Variants in GABRG2 observed in about 807,000 individuals in gnomAD.
GABRG2 encodes the protein gamma-aminobutyric acid type A receptor subunit gamma2.
A neutral mutation model predicts 56.4 loss-of-function variants in GABRG2; 16 were observed. The observed-to-expected ratio is 0.28, with a 90% CI of 0.19 to 0.43. GABRG2 has a LOEUF of 0.43. GABRG2 is among the 20% of genes least tolerant of loss of function. GABRG2 has a pLI of 1.00. For synonymous variants in GABRG2, 208 were observed against 205.5 expected (o/e 1.01, Z -0.10); for missense variants, 327 against 582.7 (o/e 0.56, Z 4.52).
At chr5:162,099,018 T>C (rs1278188103) in intron 4 of GABRG2, 2 of 152,020 alleles carry the variant, frequency 1.3e-5, no homozygotes, top group Non-Finnish European at 2.9e-5. Context: ...ATAGAAAATA[T>C]TAAAATTATT....
At chr5:162,094,226 G>A (rs1304328146) in intron 2 of GABRG2, 6 of 472,626 alleles carry the variant, frequency 1.3e-5, no homozygotes, top group African/African-American at 3.9e-5. Context: ...CATATTGCTA[G>A]ATATCTCAGA....
At chr5:162,143,657 A>G (rs986174258) in intron 7 of GABRG2, among the ~76,000 whole-genome samples, 16 of 152,222 alleles carry the variant, frequency 1.1e-4, no homozygotes, top group African/African-American at 3.9e-4. Context: ...AGTCCCACAA[A>G]TATGGGTTTG....
At chr5:162,084,991 A>G (rs1056276271) in intron 1 of GABRG2, among the ~76,000 whole-genome samples, 1 of 151,872 alleles carries the variant, frequency 6.6e-6, no homozygotes, top group African/African-American at 2.4e-5. Context: ...GACTAACGTA[A>G]TTATGAACCC....
chr5:162,117,259 C>T (rs1444364507), intron 6 of GABRG2, among the ~76,000 whole-genome samples: 1 of 152,126 alleles, frequency 6.6e-6, no homozygotes, highest in Non-Finnish European at 1.5e-5. Flanking sequence ...AATTACAAGT[C>T]CAAAATATTG....
intron 1 of GABRG2, among the ~76,000 whole-genome samples, chr5:162,074,842 C>A (rs2113139284): frequency 6.6e-6 from 1 of 152,198 alleles, no homozygotes; most frequent in African/African-American, 2.4e-5. Context: ...TCTAACCACT[C>A]TTGTTTAGAG....
intron 1 of GABRG2, among the ~76,000 whole-genome samples, chr5:162,081,008 T>A (rs1042636478): frequency 9.2e-5 from 14 of 152,124 alleles, no homozygotes; most frequent in African/African-American, 3.4e-4. Context: ...TTATGATTTG[T>A]GCATTAATTG....
chr5:162,078,011 C>A (rs1759282473), intron 1 of GABRG2, among the ~76,000 whole-genome samples: 1 of 151,940 alleles, frequency 6.6e-6, no homozygotes, highest in Admixed American at 6.6e-5. Context: ...AAATTATACA[C>A]CATCGCTTCT....
intron 6 of GABRG2, among the ~76,000 whole-genome samples, chr5:162,130,630 T>C (rs1226032193): frequency 6.6e-6 from 1 of 152,016 alleles, no homozygotes; most frequent in Non-Finnish European, 1.5e-5. Flanking sequence ...TTATATTTAT[T>C]AATGACATTT....
At chr5:162,103,123 G>A (rs1405057604) in intron 5 of GABRG2, 1 of 153,422 alleles carries the variant, frequency 6.5e-6, no homozygotes, top group East Asian at 1.9e-4. Flanking sequence ...CATCAATTCT[G>A]TGAGATAAGT....
intron 1 of GABRG2, among the ~76,000 whole-genome samples, chr5:162,078,369 C>CTA (rs774147866): frequency 0.015 from 783 of 53,876 alleles, 28 homozygotes; most frequent in Admixed American, 0.018. Context: ...GAGCATCTTA[C>CTA]TATATATATA....
chr5:162,112,882 AG>A (rs1400263314), intron 6 of GABRG2, among the ~76,000 whole-genome samples: 2 of 152,180 alleles, frequency 1.3e-5, no homozygotes, highest in Admixed American at 6.6e-5. Flanking sequence ...CCAAGGAAAA[AG>A]GATTGACCAA....
intron 1 of GABRG2, among the ~76,000 whole-genome samples, chr5:162,086,025 A>G (rs753429405): frequency 1.3e-5 from 2 of 151,908 alleles, no homozygotes; most frequent in Non-Finnish European, 2.9e-5. Context: ...GCCATTGTGA[A>G]TAGTGCTACA....
At chr5:162,089,818 A>G (rs1760420652) in intron 1 of GABRG2, among the ~76,000 whole-genome samples, 1 of 152,106 alleles carries the variant, frequency 6.6e-6, no homozygotes, top group African/African-American at 2.4e-5. Context: ...ATCCTGGGCA[A>G]TGACTAGATT....
At chr5:162,067,658 TGAGTATACAC>T, upstream of GABRG2, 1 of 571,434 alleles carries the variant, frequency 1.7e-6, no homozygotes, top group East Asian at 2.8e-5. Context: ...GTGAGGGGCA[TGAGTATACAC>T]GAGTGTGCGT....
At chr5:162,113,035 T>A (rs1581384833) in intron 6 of GABRG2, among the ~76,000 whole-genome samples, 1 of 152,032 alleles carries the variant, frequency 6.6e-6, no homozygotes, top group Admixed American at 6.6e-5. Context: ...TCATGCAACC[T>A]CCACCTCCCA....
intron 6 of GABRG2, among the ~76,000 whole-genome samples, chr5:162,129,431 G>A (rs1222594693): frequency 6.6e-6 from 1 of 151,548 alleles, no homozygotes; most frequent in Non-Finnish European, 1.5e-5. Context: ...TACACAACTA[G>A]ATTCTCAAGA....
At chr5:162,090,053 C>T (rs209353) in intron 1 of GABRG2, among the ~76,000 whole-genome samples, 83,464 of 151,920 alleles carry the variant, frequency 0.55, 23,169 homozygotes, top group African/African-American at 0.59. Flanking sequence ...CCACTTTTAT[C>T]CTTCTAAATA....
intron 6 of GABRG2, among the ~76,000 whole-genome samples, chr5:162,105,776 C>G (rs1761772770): frequency 6.6e-6 from 1 of 150,516 alleles, no homozygotes; most frequent in South Asian, 2.1e-4. Context: ...TCAGGATTGC[C>G]TTAGAACTGA....
chr5:162,101,407 T>G, intron 5 of GABRG2, 90 bp downstream of exon 5: 3 of 923,672 alleles, frequency 3.2e-6, no homozygotes, highest in Non-Finnish European at 5.3e-6. Flanking sequence ...CATAACAAAT[T>G]TCAAAGTTGT....
Sources: allele counts gnomAD v4.1 joint callset (sites outside exome capture counted in the v4.1 genomes callset), GRCh38; gene constraint gnomAD v4.1.1; transcripts MANE v1.5; gene names NCBI Gene and HGNC (gene_info 2026-07-23, HGNC 2026-07-21).